SRD5A2: variants seen among roughly 807,000 people sequenced by gnomAD.
SRD5A2 encodes 3-oxo-5-alpha-steroid 4-dehydrogenase 2.
A neutral mutation model predicts 27.4 loss-of-function variants in SRD5A2; 30 were observed. That is an observed-to-expected ratio of 1.10 (90% CI 0.82 to 1.49). The LOEUF (loss-of-function observed/expected upper bound fraction) is 1.49, where lower values mean the gene tolerates loss of function less well. SRD5A2 is among the 40% of genes most tolerant of loss of function. The pLI is 0.00. For missense variants in SRD5A2, 348 were observed against 323.4 expected, an observed-to-expected ratio of 1.08 and a Z score of -0.58; for synonymous variants, 141 against 133.6, an observed-to-expected ratio of 1.06 and a Z score of -0.38.
the SRD5A2 span, among the ~76,000 whole-genome samples, chr2:31,629,440 A>G: frequency 2.0e-5 from 3 of 152,142 alleles, no homozygotes; most frequent in Non-Finnish European, 2.9e-5. Flanking sequence ...TTTGCTTGCT[A>G]TTCTGTCCTA....
chr2:31,562,154 A>G (rs916367523), intron 1 of SRD5A2, among the ~76,000 whole-genome samples: 2 of 152,128 alleles, frequency 1.3e-5, no homozygotes, highest in African/African-American at 4.8e-5. Flanking sequence ...TGTTTGCAAA[A>G]AGAAAATTGT....
chr2:31,625,133 T>A, the SRD5A2 span, among the ~76,000 whole-genome samples: 1 of 152,256 alleles, frequency 6.6e-6, no homozygotes, highest in Admixed American at 6.5e-5. Context: ...TTTTTTCATA[T>A]GTCTGTTGGC....
chr2:31,571,493 T>G (rs1159197952), intron 1 of SRD5A2, among the ~76,000 whole-genome samples: 1 of 152,058 alleles, frequency 6.6e-6, no homozygotes, highest in Non-Finnish European at 1.5e-5. Flanking sequence ...CCAAAAGCAA[T>G]TGCAACGTAA....
At chr2:31,610,060 C>T in the SRD5A2 span, among the ~76,000 whole-genome samples, 1 of 152,094 alleles carries the variant, frequency 6.6e-6, no homozygotes, top group African/African-American at 2.4e-5. Context: ...CACAGGACCC[C>T]AAAGCCTTCA....
At chr2:31,554,727 T>G (rs193260892) in intron 1 of SRD5A2, among the ~76,000 whole-genome samples, 8 of 152,344 alleles carry the variant, frequency 5.3e-5, no homozygotes, top group Admixed American at 1.3e-4. Context: ...ATTTTTCACC[T>G]GGCTCTCTGG....
chr2:31,658,238 A>G, the SRD5A2 span, among the ~76,000 whole-genome samples: 11 of 152,146 alleles, frequency 7.2e-5, no homozygotes, highest in East Asian at 2.1e-3. Flanking sequence ...TGTTAAGAGG[A>G]AAGTTTATAG....
chr2:31,641,407 A>G, the SRD5A2 span, among the ~76,000 whole-genome samples: 2 of 152,184 alleles, frequency 1.3e-5, no homozygotes, highest in African/African-American at 4.8e-5. Context: ...TTGAAAAATG[A>G]GGGTAAAATA....
chr2:31,622,554 G>A, the SRD5A2 span, among the ~76,000 whole-genome samples: 3 of 152,058 alleles, frequency 2.0e-5, no homozygotes, highest in Non-Finnish European at 4.4e-5. Flanking sequence ...ATGTGCAGTC[G>A]GGCATCGTCG....
the SRD5A2 span, among the ~76,000 whole-genome samples, chr2:31,647,118 C>T: frequency 4.6e-5 from 7 of 152,018 alleles, no homozygotes; most frequent in African/African-American, 1.2e-4. Flanking sequence ...GCACTCCAGC[C>T]TGGGCGACAG....
chr2:31,584,464 G>C (rs1447837685), upstream of SRD5A2, among the ~76,000 whole-genome samples: 1 of 152,144 alleles, frequency 6.6e-6, no homozygotes, highest in East Asian at 1.9e-4. Context: ...AACTACTAGA[G>C]TTGAGCCAAA....
At chr2:31,657,095 T>C in the SRD5A2 span, among the ~76,000 whole-genome samples, 4 of 152,228 alleles carry the variant, frequency 2.6e-5, no homozygotes, top group Non-Finnish European at 5.9e-5. Flanking sequence ...GTATCCTAGC[T>C]AGGATCCTGA....
At chr2:31,537,135 C>A (rs978425772) in intron 1 of SRD5A2, among the ~76,000 whole-genome samples, 2 of 152,154 alleles carry the variant, frequency 1.3e-5, no homozygotes, top group Non-Finnish European at 2.9e-5. Context: ...GATTATCAAG[C>A]CAATTGAAGA....
At chr2:31,654,797 C>CA in the SRD5A2 span, among the ~76,000 whole-genome samples, 5 of 152,190 alleles carry the variant, frequency 3.3e-5, no homozygotes. Flanking sequence ...CTGCTCTCAA[C>CA]AATGTACAGC....
chr2:31,560,587 ACT>A (rs1290306603), intron 1 of SRD5A2, among the ~76,000 whole-genome samples: 1 of 151,708 alleles, frequency 6.6e-6, no homozygotes, highest in African/African-American at 2.4e-5. Flanking sequence ...CTGCATCAGC[ACT>A]CTCTCTTCTT....
chr2:31,609,009 A>G, the SRD5A2 span, among the ~76,000 whole-genome samples: 101,792 of 151,804 alleles, frequency 0.67, 34,341 homozygotes, highest in Middle Eastern at 0.7. Flanking sequence ...CTAAGAGAGA[A>G]AGAGGGAGAT....
rs1267541933 is a variant in SRD5A2, at chr2:31,523,270, AC to A, written c.*2925del. 2.8e-5 allele frequency: 6 copies of A among 215,954 alleles called. No individual in the cohort carries two copies. 13.4% of individuals were successfully genotyped at this position (215,954 alleles called of 1,614,324 possible). A position where few individuals can be genotyped will look rare whatever the true frequency, so the allele number is the denominator to read the frequency against. ...TCCCACGGAGCGAGGGAAGCCTCAC[AC>A]ACAAACAGGCATGGGACAATAGGTG... On this transcript the variant is annotated 3_prime_UTR_variant, in exon 5 of 5. Coordinates refer to ENST00000622030, the MANE Select transcript of SRD5A2 (RefSeq NM_000348.4).
chr2:31,525,996 G>A lies in SRD5A2; in HGVS notation c.*200C>T. 1 of 429,636 alleles carries A rather than the reference G, an allele frequency of 2.3e-6. No homozygotes were observed. Among genetic ancestry groups the A allele is most frequent in the South Asian group, 6.8e-5 (1 of 14,810 alleles). The allele number at this position is 429,636 out of a possible 1,614,324, so 26.6% of individuals were successfully genotyped here. On this transcript the variant is annotated 3_prime_UTR_variant, in exon 5 of 5. Coordinates refer to ENST00000622030, the MANE Select transcript of SRD5A2 (RefSeq NM_000348.4). ...GTGGCTTTTTGAAGCTTCAGTTGGG[G>A]ATCAGGATAGGGGTCCCTGGAAGGG...
the SRD5A2 span, among the ~76,000 whole-genome samples, chr2:31,648,575 T>A: frequency 6.6e-6 from 1 of 152,202 alleles, no homozygotes; most frequent in African/African-American, 2.4e-5. Context: ...ATATGTGATT[T>A]CTTCTTAACA....
At chr2:31,548,452 G>A (rs1377455603) in intron 1 of SRD5A2, among the ~76,000 whole-genome samples, 1 of 152,122 alleles carries the variant, frequency 6.6e-6, no homozygotes, top group Non-Finnish European at 1.5e-5. Context: ...AAGAAGCTAT[G>A]CAAATGGCCC....
Sources: allele counts gnomAD v4.1 joint callset (sites outside exome capture counted in the v4.1 genomes callset), GRCh38; gene constraint gnomAD v4.1.1; transcripts MANE v1.5; gene names NCBI Gene and HGNC (gene_info 2026-07-23, HGNC 2026-07-21).